Variants in CYRIB observed in about 807,000 individuals in gnomAD.
CYRIB encodes the protein CYFIP-related Rac1 interactor B.
A neutral mutation model predicts 44.2 loss-of-function variants in CYRIB; 8 were observed. That is an observed-to-expected ratio of 0.18 (90% CI 0.11 to 0.33). CYRIB has a LOEUF of 0.33. CYRIB is among the 10% of genes least tolerant of loss of function. The pLI is 1.00. For missense variants in CYRIB, 185 were observed against 382.8 expected (o/e 0.48, Z 4.31); for synonymous variants, 131 against 127.2 (o/e 1.03, Z -0.20).
chr8:129,921,032 C>T (rs1205147267), intron 1 of CYRIB, among the ~76,000 whole-genome samples: 16 of 152,116 alleles, frequency 1.1e-4, no homozygotes, highest in Non-Finnish European at 2.4e-4. Context: ...TTGATCTATG[C>T]TAAATGATGT....
chr8:129,895,066 T>C (rs1019067842), intron 2 of CYRIB, among the ~76,000 whole-genome samples: 7 of 130,542 alleles, frequency 5.4e-5, no homozygotes, highest in African/African-American at 2.0e-4. Context: ...GCCTCCTGAG[T>C]AGCTGGGACT....
chr8:129,884,451 G>C (rs1378710192), intron 2 of CYRIB, among the ~76,000 whole-genome samples: 2 of 151,954 alleles, frequency 1.3e-5, no homozygotes, highest in African/African-American at 4.8e-5. Flanking sequence ...ACCACGCCCG[G>C]CTAATTTTGT....
intron 1 of CYRIB, among the ~76,000 whole-genome samples, chr8:129,917,372 T>A (rs2081273425): frequency 6.6e-6 from 1 of 152,126 alleles, no homozygotes; most frequent in Admixed American, 6.5e-5. Flanking sequence ...CCTATTTGGG[T>A]CTCACTACTC....
At chr8:129,992,180 G>C (rs775839094) in intron 1 of CYRIB, among the ~76,000 whole-genome samples, 1 of 151,838 alleles carries the variant, frequency 6.6e-6, no homozygotes, top group Non-Finnish European at 1.5e-5. Context: ...AATTGGATAG[G>C]TGTGATGATG....
chr8:129,921,096 ATTTC>A (rs2083326141), intron 1 of CYRIB, among the ~76,000 whole-genome samples: 1 of 152,214 alleles, frequency 6.6e-6, no homozygotes, highest in Admixed American at 6.5e-5. Context: ...TATTTTAGCC[ATTTC>A]TTTCAGCCTT....
At chr8:129,943,091 C>CCCTCCCACCCG, upstream of CYRIB, among the ~76,000 whole-genome samples, 1 of 132,638 alleles carries the variant, frequency 7.5e-6, no homozygotes, top group African/African-American at 2.9e-5. Context: ...CGCCCACCCG[C>CCCTCCCACCCG]CCCCCCGCAC....
chr8:129,960,058 T>C (rs1243660507), intron 2 of CYRIB, among the ~76,000 whole-genome samples: 1 of 152,242 alleles, frequency 6.6e-6, no homozygotes, highest in East Asian at 1.9e-4. Flanking sequence ...ACTGCTTTTA[T>C]CAATTATCCC....
At chr8:129,966,874 T>G (rs1006660977) in intron 2 of CYRIB, among the ~76,000 whole-genome samples, 1 of 152,028 alleles carries the variant, frequency 6.6e-6, no homozygotes, top group Non-Finnish European at 1.5e-5. Context: ...TATATTTTTT[T>G]TGTAGAAACA....
chr8:129,980,450 T>C (rs7357390), intron 1 of CYRIB, among the ~76,000 whole-genome samples: 75,910 of 152,034 alleles, frequency 0.5, 21,724 homozygotes, highest in African/African-American at 0.79. Flanking sequence ...TTACTGTGTA[T>C]TTTAATACGC....
chr8:129,870,329 G>A (rs1335159448), intron 4 of CYRIB, among the ~76,000 whole-genome samples: 1 of 152,238 alleles, frequency 6.6e-6, no homozygotes, highest in Non-Finnish European at 1.5e-5. Flanking sequence ...ACGATCACTT[G>A]AGCCCAGCAG....
chr8:129,909,167 GT>G (rs1554611909), intron 1 of CYRIB, among the ~76,000 whole-genome samples: 2 of 151,374 alleles, frequency 1.3e-5, no homozygotes, highest in Admixed American at 6.6e-5. Context: ...TATCTCTAAA[GT>G]TTTTTTTTAA....
chr8:129,978,127 C>A (rs529224222), intron 1 of CYRIB, among the ~76,000 whole-genome samples: 1 of 152,074 alleles, frequency 6.6e-6, no homozygotes, highest in Non-Finnish European at 1.5e-5. Context: ...GCTATGTGCC[C>A]AGGTCAATCT....
At chr8:129,850,967 T>A in intron 8 of CYRIB, 53 bp from the exon 11 acceptor site, 2 of 1,145,342 alleles carry the variant, frequency 1.7e-6, no homozygotes, top group Non-Finnish European at 2.6e-6. Flanking sequence ...CGTTATTACT[T>A]AAGCACAATT....
intron 1 of CYRIB, among the ~76,000 whole-genome samples, chr8:129,938,062 G>A (rs1383876087): frequency 6.6e-6 from 1 of 152,078 alleles, no homozygotes; most frequent in Admixed American, 6.6e-5. Context: ...ATGATATGCA[G>A]GTAGGTGTAC....
At chr8:129,992,732 T>C (rs1296154053) in intron 1 of CYRIB, among the ~76,000 whole-genome samples, 2 of 152,346 alleles carry the variant, frequency 1.3e-5, no homozygotes, top group Non-Finnish European at 2.9e-5. Context: ...GTGTTTATTA[T>C]ACCTTGCCTC....
exon 12 of CYRIB, chr8:129,839,883 G>T (rs1446637020): frequency 1.3e-5 from 2 of 152,300 alleles, no homozygotes; most frequent in Non-Finnish European, 1.5e-5. Flanking sequence ...CATTATTTTT[G>T]ATTTGTATTC....
intron 1 of CYRIB, among the ~76,000 whole-genome samples, chr8:130,007,208 T>A (rs1457751710): frequency 1.3e-5 from 2 of 152,158 alleles, no homozygotes; most frequent in Non-Finnish European, 2.9e-5. Flanking sequence ...CGTTATGAGA[T>A]GCCCACTGAG....
At chr8:129,952,109 A>G (rs837228) in intron 2 of CYRIB, among the ~76,000 whole-genome samples, 118,502 of 152,256 alleles carry the variant, frequency 0.78, 46,416 homozygotes, top group East Asian at 0.98. Context: ...GCAATGGTGC[A>G]ATCTCGGCTT....
chr8:129,949,657 C>G (rs2094397156), intron 2 of CYRIB, among the ~76,000 whole-genome samples: 2 of 151,720 alleles, frequency 1.3e-5, no homozygotes, highest in African/African-American at 2.4e-5. Flanking sequence ...CATTTGAGGT[C>G]GGGAGTTCGA....
Sources: allele counts gnomAD v4.1 joint callset (sites outside exome capture counted in the v4.1 genomes callset), GRCh38; gene constraint gnomAD v4.1.1; transcripts MANE v1.5; gene names NCBI Gene and HGNC (gene_info 2026-07-23, HGNC 2026-07-21).